Variants in GSE1 observed in about 807,000 individuals in gnomAD.
The protein encoded by GSE1 is Gse1 coiled-coil protein.
GSE1 carries 32 observed loss-of-function variants against 112.6 expected under a neutral mutation model. The observed-to-expected ratio is 0.28, with a 90% CI of 0.21 to 0.38. The LOEUF (loss-of-function observed/expected upper bound fraction) is 0.38, where lower values mean the gene tolerates loss of function less well. Among genes scored for constraint, GSE1 ranks in the 10% least tolerant of loss-of-function variants. The probability of loss-of-function intolerance (pLI) is 1.00; values close to 1 mark genes in which losing one functional copy is unlikely to be tolerated. For synonymous variants in GSE1, 1,115 were observed against 735.6 expected, an observed-to-expected ratio of 1.52 and a Z score of -8.35; for missense variants, 2,348 against 1,699.2, an observed-to-expected ratio of 1.38 and a Z score of -6.71.
chr16:85,663,421 G>T lies in GSE1; in HGVS notation c.2451G>T (p.Lys817Asn). The change falls in exon 11 of 16, where the codon AAG (lysine) becomes AAT (asparagine). Residue 817 changes from lysine (K) to asparagine (N), a missense_variant. Lys to Asn is a moderately conservative substitution (Grantham distance 94, BLOSUM62 0). Coordinates refer to ENST00000253458, the MANE Select transcript of GSE1 (RefSeq NM_014615.5). ...AATTGGTGGCCCAGAAGCGGAGGAA[G>T]CGGCGGAGGATGCTGCGAGAGAGAA... ...KEELVAQKRR[K>N]RRRMLRERSP... The T allele has an allele frequency of 6.2e-7, 1 of 1,613,946 alleles. No homozygotes were observed. Among genetic ancestry groups the T allele is most frequent in the African/African-American group, 1.3e-5 (1 of 75,062 alleles).
intron 2 of GSE1, among the ~76,000 whole-genome samples, chr16:85,395,289 C>G (rs2047940230): frequency 6.6e-6 from 1 of 152,156 alleles, no homozygotes; most frequent in Non-Finnish European, 1.5e-5. Context: ...GCTGAGGTGT[C>G]AGGGCAGTGG....
intron 2 of GSE1, among the ~76,000 whole-genome samples, chr16:85,461,780 ATCT>A (rs1380170921): frequency 6.6e-6 from 1 of 151,934 alleles, no homozygotes; most frequent in Non-Finnish European, 1.5e-5. Flanking sequence ...GCCTCACTAG[ATCT>A]CCTGCAGCTC....
chr16:85,415,110 T>C (rs756540025), intron 2 of GSE1, among the ~76,000 whole-genome samples: 16 of 152,102 alleles, frequency 1.1e-4, no homozygotes, highest in Admixed American at 5.2e-4. Flanking sequence ...ATGCTAATTT[T>C]TGTATTTTCT....
chr16:85,577,291 C>T (rs965402129), intron 1 of GSE1, among the ~76,000 whole-genome samples: 6 of 152,186 alleles, frequency 3.9e-5, no homozygotes, highest in African/African-American at 1.4e-4. Context: ...GTGGTGATCA[C>T]CTCGAGGAGG....
At chr16:85,633,304 C>T (rs1202041480) in intron 1 of GSE1, among the ~76,000 whole-genome samples, 2 of 152,156 alleles carry the variant, frequency 1.3e-5, no homozygotes, top group African/African-American at 2.4e-5. Flanking sequence ...CCCTGAGTGG[C>T]GGGGAGGCCG....
rs192336049 is a variant in GSE1 at position 85,292,686 on chromosome 16, G to A, written c.2284-64777G>A. Among the ~76,000 whole-genome samples, 97 of 151,492 alleles carry A rather than the reference G, an allele frequency of 6.4e-4. 1 individual carries two copies. In the East Asian group the frequency reaches 0.013, roughly 21 times the overall value. On this transcript the variant is annotated intron_variant, in intron 1 of 2. Coordinates refer to the GSE1 transcript ENST00000637419. ...TATTGGCCAGGCTGGTCTCAAACTC[G>A]TGATCTCAGGTGATCCACCTGCCTC... is the stretch of plus-strand genomic sequence containing the variant.
At chr16:85,457,357 G>A (rs866337151) in intron 2 of GSE1, among the ~76,000 whole-genome samples, 2 of 152,320 alleles carry the variant, frequency 1.3e-5, no homozygotes, top group South Asian at 2.1e-4. Flanking sequence ...AGACTGGACC[G>A]CAGCTGTCAG....
chr16:85,230,533 C>G lies in GSE1; in HGVS notation c.2283+58726C>G, dbSNP rs116015316. Among the ~76,000 whole-genome samples the G allele has an allele frequency of 1.2e-3, 181 of 152,320 alleles. 1 individual carries two copies. The highest frequency in any genetic ancestry group is 4.3e-3 in the African/African-American group (177 of 41,560). Reference sequence around the variant, plus strand: ...ACTGGCTGTCTCTAGGCCTCTACCTCTCCCTACTTCGCTCTGCCTTTTGCT... The same window carrying G: ...ACTGGCTGTCTCTAGGCCTCTACCTGTCCCTACTTCGCTCTGCCTTTTGCT... On this transcript the variant is annotated intron_variant, in intron 1 of 2. Transcript: ENST00000637419.
intron 2 of GSE1, among the ~76,000 whole-genome samples, chr16:85,379,405 A>C (rs1050144631): frequency 1.4e-4 from 22 of 152,196 alleles, no homozygotes; most frequent in African/African-American, 5.1e-4. Flanking sequence ...CAGATGTAGA[A>C]GGGAGAACAC....
intron 1 of GSE1, among the ~76,000 whole-genome samples, chr16:85,596,170 C>G (rs1188988561): frequency 6.6e-6 from 1 of 152,098 alleles, no homozygotes; most frequent in African/African-American, 2.4e-5. Context: ...GGCTGCCTCC[C>G]CCACCGCTGC....
chr16:85,661,187 C>T lies in GSE1; in HGVS notation c.1682C>T (p.Pro561Leu), dbSNP rs543984078. 2.2e-5 allele frequency: 36 copies of T among 1,603,418 alleles called. No homozygotes were observed. The highest frequency in any genetic ancestry group is 5.3e-5 in the African/African-American group (4 of 74,878). Residue 561 changes from proline to leucine, a missense_variant, in exon 9 of 16, where the codon CCG becomes CTG. Transcript: ENST00000253458. ...NRHEPGGRDP[P>L]QHFGGPPPLI... ...CACGAGCCAGGTGGCCGTGACCCTC[C>T]GCAGCACTTTGGGGGGCCACCACCT...
intron 1 of GSE1, among the ~76,000 whole-genome samples, chr16:85,627,805 T>G (rs967148631): frequency 4.6e-5 from 7 of 152,136 alleles, no homozygotes; most frequent in African/African-American, 1.7e-4. Flanking sequence ...AGCGCAGAAG[T>G]TAATAAATAC....
chr16:85,281,136 C>T (rs1316152629), intron 1 of GSE1, among the ~76,000 whole-genome samples: 3 of 152,198 alleles, frequency 2.0e-5, no homozygotes, highest in Non-Finnish European at 2.9e-5. Flanking sequence ...CCTCTCTCAG[C>T]ATCACCTCCA....
At position 85,666,119 on chromosome 16, in the gene GSE1, C is replaced by G. The variant is rs142618003; in HGVS notation, c.2902C>G (p.Pro968Ala). The G allele has an allele frequency of 1.2e-6, 2 of 1,613,266 alleles. No homozygotes were observed. The highest frequency in any genetic ancestry group is 1.6e-4 in the Middle Eastern group (1 of 6,062). ...GCTGTCGAGAGTCCAGGAGCTAGCT[C>G]CTGCCAGCGGGGAGAAGGCCAGGCT... Reference protein sequence around the residue: ...QELSRVQELAPASGEKARLSE... With the variant: ...QELSRVQELAAASGEKARLSE... The change falls in exon 13 of 16, where the codon CCT (proline) becomes GCT (alanine). Residue 968 changes from proline (P) to alanine (A), a missense_variant. By Grantham distance (27) the Pro-to-Ala change is conservative. Transcript: ENST00000253458.
rs556579476 is a variant in GSE1, at chr16:85,309,030, G to T, written c.2284-48433G>T. Among the ~76,000 whole-genome samples, 179 of 151,614 alleles carry T rather than the reference G, an allele frequency of 1.2e-3. 5 individuals carry two copies. The highest frequency in any genetic ancestry group is 7.4e-5 in the Non-Finnish European group (5 of 67,924). On this transcript the variant is annotated intron_variant, in intron 1 of 2. Coordinates refer to the GSE1 transcript ENST00000637419. ...AAATTGGCCTGGGAATTGGGATTCA[G>T]TTCCACAGGATGGGGCGGGGCCTGA...
chr16:85,262,774 C>T (rs1272190282), intron 1 of GSE1, among the ~76,000 whole-genome samples: 4 of 152,212 alleles, frequency 2.6e-5, no homozygotes, highest in Admixed American at 1.3e-4. Context: ...GGGAGTGATG[C>T]TTGCTCCGTC....
At chr16:85,451,363 G>A (rs946270309) in intron 2 of GSE1, among the ~76,000 whole-genome samples, 4 of 152,236 alleles carry the variant, frequency 2.6e-5, no homozygotes, top group African/African-American at 7.2e-5. Flanking sequence ...AAAGACTCCT[G>A]TGCTGAGTGT....
At chr16:85,560,469 C>G (rs1489906075) in intron 1 of GSE1, among the ~76,000 whole-genome samples, 2 of 152,130 alleles carry the variant, frequency 1.3e-5, no homozygotes, top group South Asian at 2.1e-4. Context: ...GTCTTTGGAC[C>G]AGGCCTCTTG....
intron 1 of GSE1, among the ~76,000 whole-genome samples, chr16:85,210,375 G>A (rs993819545): frequency 3.3e-5 from 5 of 152,132 alleles, no homozygotes; most frequent in Non-Finnish European, 5.9e-5. Flanking sequence ...AGGCTGAGGC[G>A]GGCAGATTGC....
Sources: allele counts gnomAD v4.1 joint callset (sites outside exome capture counted in the v4.1 genomes callset), GRCh38; gene constraint gnomAD v4.1.1; transcripts MANE v1.5; gene names NCBI Gene and HGNC (gene_info 2026-07-23, HGNC 2026-07-21).